Variants in IFT74 observed in about 807,000 individuals in gnomAD.
IFT74 encodes intraflagellar transport 74, also known as intraflagellar transport protein 74 homolog.
A neutral mutation model predicts 96.7 loss-of-function variants in IFT74; 92 were observed. That is an observed-to-expected ratio of 0.95 (90% CI 0.80 to 1.13). The LOEUF is 1.13. Ranked by LOEUF, IFT74 falls within the 50% of genes most tolerant of loss-of-function variation. The pLI is 0.00. For missense variants in IFT74, 811 were observed against 698.2 expected (o/e 1.16, Z -1.82); for synonymous variants, 223 against 213.2 (o/e 1.05, Z -0.40).
At chr9:26,980,296 C>T (rs2131530466) in intron 3 of IFT74, among the ~76,000 whole-genome samples, 1 of 152,324 alleles carries the variant, frequency 6.6e-6, no homozygotes. Context: ...TTCCCTTAGA[C>T]TCAATTTTCA....
At chr9:27,036,501 A>G (rs751343255) in intron 13 of IFT74, 1 of 1,613,872 alleles carries the variant, frequency 6.2e-7, no homozygotes, top group South Asian at 1.1e-5. Context: ...GGAAGTTTCA[A>G]AAAGCAAGTT....
intron 13 of IFT74, among the ~76,000 whole-genome samples, chr9:27,039,712 G>T (rs758994659): frequency 6.6e-6 from 1 of 152,044 alleles, no homozygotes; most frequent in Non-Finnish European, 1.5e-5. Flanking sequence ...ATCTAGGGAT[G>T]ATTTAAAGTA....
At chr9:27,038,349 G>A (rs959222557) in intron 13 of IFT74, among the ~76,000 whole-genome samples, 2 of 152,106 alleles carry the variant, frequency 1.3e-5, no homozygotes, top group Admixed American at 1.3e-4. Flanking sequence ...TGCAACCTCT[G>A]CCTCCTGGGT....
In IFT74 at chr9:27,062,756, C is replaced by A; in HGVS notation, c.*20C>A. ...AACTGAGTTTAAGTCCACTGAAAGT[C>A]TCTAAGGAAGTATCCTCTTGCTGCT... On this transcript the variant is annotated 3_prime_UTR_variant, in exon 20 of 20. Coordinates refer to ENST00000380062, the MANE Select transcript of IFT74 (RefSeq NM_025103.4). The A allele has an allele frequency of 1.6e-6, 2 of 1,283,642 alleles. No individual in the cohort carries two copies. Among genetic ancestry groups the A allele is most frequent in the Non-Finnish European group, 2.2e-6 (2 of 893,428 alleles). The allele number at this position is 1,283,642 out of a possible 1,614,324, so 79.5% of individuals were successfully genotyped here.
At chr9:27,031,998 C>T (rs1830148330) in intron 13 of IFT74, among the ~76,000 whole-genome samples, 1 of 152,044 alleles carries the variant, frequency 6.6e-6, no homozygotes, top group African/African-American at 2.4e-5. Context: ...AGGTGTGAGC[C>T]ACTGTGCCTG....
intron 8 of IFT74, chr9:26,995,233 G>A (rs898936662): frequency 8.7e-5 from 18 of 207,380 alleles, no homozygotes; most frequent in Non-Finnish European, 1.5e-4. Context: ...TTTAATTCAT[G>A]AATAATTTAG....
At chr9:27,056,221 T>C (rs750508488) in intron 17 of IFT74, 113 bp from the exon 18 acceptor site, 14 of 803,854 alleles carry the variant, frequency 1.7e-5, no homozygotes, top group Non-Finnish European at 2.8e-5. Context: ...AGAGTAGTTA[T>C]AGCCTTGATA....
rs951706952 is a variant in IFT74, at chr9:26,979,703, C to CTTTT, written c.257-844_257-841dup. Among the ~76,000 whole-genome samples the CTTTT allele has an allele frequency of 3.7e-4, 28 of 75,454 alleles. 2 individuals carry two copies. The highest frequency in any genetic ancestry group is 2.1e-3 in the East Asian group (4 of 1,940). The allele number at this position is 75,454 out of a possible 152,430, so 49.5% of individuals were successfully genotyped here. A position where few individuals can be genotyped will look rare whatever the true frequency, so the allele number is the denominator to read the frequency against. The stretch of plus-strand genomic sequence containing the variant: ...GAGACATTTAACCTAGGAACACTTT[C>CTTTT]TTTTTTTTTTTTTTTTTTTTTTTTT... On this transcript the variant is annotated intron_variant, in intron 3 of 19. Coordinates refer to ENST00000380062, the MANE Select transcript of IFT74 (RefSeq NM_025103.4).
chr9:27,038,374 C>T (rs749691863), intron 13 of IFT74, among the ~76,000 whole-genome samples: 12 of 152,098 alleles, frequency 7.9e-5, no homozygotes, highest in African/African-American at 1.2e-4. Flanking sequence ...GCAGTTCTCA[C>T]GCCTCAGCCT....
At position 27,064,194 on chromosome 9, in the gene IFT74, A is replaced by C. The variant is rs1448005495; in HGVS notation, c.*1458A>C. 6.6e-6 allele frequency among the ~76,000 whole-genome samples: 1 copy of C among 152,104 alleles called. No homozygotes were observed. Among genetic ancestry groups the C allele is most frequent in the African/African-American group, 2.4e-5 (1 of 41,434 alleles). ...TCCAAGAAATAGACTTTGTACACCA[A>C]ATAGACTTCATACACTAAAATAATT... On this transcript the variant is annotated 3_prime_UTR_variant, in exon 20 of 20. Transcript: ENST00000380062.
intron 10 of IFT74, among the ~76,000 whole-genome samples, chr9:27,014,132 A>G (rs1829236647): frequency 6.6e-6 from 1 of 152,088 alleles, no homozygotes; most frequent in Non-Finnish European, 1.5e-5. Flanking sequence ...GAAGAATGGC[A>G]TGAACCCAGG....
intron 18 of IFT74, 84 bp downstream of exon 18, chr9:27,056,543 C>A: frequency 8.5e-7 from 1 of 1,181,914 alleles, no homozygotes. Flanking sequence ...TTAAAATTTG[C>A]TTTATATACC....
At chr9:27,017,313 G>T (rs1229563036) in intron 11 of IFT74, among the ~76,000 whole-genome samples, 1 of 152,058 alleles carries the variant, frequency 6.6e-6, no homozygotes, top group South Asian at 2.1e-4. Context: ...GCCCTGAGCT[G>T]CTGGCCTCAA....
Position 27,059,621 on chromosome 9 carries a change from CTG to C in IFT74, c.1624-969_1624-968del, listed in dbSNP as rs139481804. ...GTCCATCTTAACTTCAAGGTCCTGT[CTG>C]GGGGAGATTGATGTGATTAGTAATA... On this transcript the variant is annotated intron_variant, in intron 18 of 19. Coordinates refer to ENST00000380062, the MANE Select transcript of IFT74 (RefSeq NM_025103.4). 2.8e-3 allele frequency among the ~76,000 whole-genome samples: 421 copies of C among 152,270 alleles called. 11 individuals are homozygous for C. The East Asian group carries it at 0.055, about 20-fold the overall frequency.
intron 2 of IFT74, chr9:26,976,909 A>G (rs1380050919): frequency 7.5e-6 from 3 of 401,056 alleles, no homozygotes; most frequent in Non-Finnish European, 1.5e-5. Context: ...TGCTTGTTTA[A>G]CAATGTAAGC....
At chr9:26,948,457 T>A (rs1331158479) in intron 1 of IFT74, among the ~76,000 whole-genome samples, 367 of 36,914 alleles carry the variant, frequency 9.9e-3, no homozygotes, top group South Asian at 0.062. Context: ...TATTTTTTTT[T>A]TTTTTTTTTT....
chr9:27,057,547 C>A (rs537321938), intron 18 of IFT74, among the ~76,000 whole-genome samples: 1 of 152,194 alleles, frequency 6.6e-6, no homozygotes, highest in Non-Finnish European at 1.5e-5. Flanking sequence ...TGGTTTAAAA[C>A]CCTAAATGCA....
chr9:27,048,924 T>C (rs1030361189), intron 16 of IFT74, among the ~76,000 whole-genome samples: 1 of 152,186 alleles, frequency 6.6e-6, no homozygotes, highest in Non-Finnish European at 1.5e-5. Flanking sequence ...AAATGTGACC[T>C]CTAGTGTGGG....
intron 2 of IFT74, among the ~76,000 whole-genome samples, chr9:26,974,884 A>G (rs1416573425): frequency 1.3e-5 from 2 of 152,186 alleles, no homozygotes; most frequent in African/African-American, 2.4e-5. Flanking sequence ...TACAAAGCCA[A>G]TGGCTCCCCC....
Sources: allele counts gnomAD v4.1 joint callset (sites outside exome capture counted in the v4.1 genomes callset), GRCh38; gene constraint gnomAD v4.1.1; transcripts MANE v1.5; gene names NCBI Gene and HGNC (gene_info 2026-07-23, HGNC 2026-07-21).